Variants in KCNQ5 observed in about 807,000 individuals in gnomAD.
KCNQ5 encodes the protein potassium voltage-gated channel subfamily Q member 5, also known as potassium voltage-gated channel subfamily KQT member 5.
In KCNQ5, 30 loss-of-function variants were observed where a neutral mutation model predicts 98.2. The observed-to-expected ratio is 0.31, with a 90% CI of 0.23 to 0.41. The LOEUF (loss-of-function observed/expected upper bound fraction) is 0.41. Among genes scored for constraint, KCNQ5 ranks in the 10% least tolerant of loss-of-function variants. The pLI is 1.00. For synonymous variants in KCNQ5, 458 were observed against 449.4 expected (o/e 1.02, Z -0.24); for missense variants, 835 against 1,182.5 (o/e 0.71, Z 4.31).
At chr6:72,727,818 A>G (rs988549149) in intron 1 of KCNQ5, among the ~76,000 whole-genome samples, 1 of 152,064 alleles carries the variant, frequency 6.6e-6, no homozygotes, top group African/African-American at 2.4e-5. Flanking sequence ...GTCTAGGTCT[A>G]CTGCACCTTG....
chr6:72,779,490 T>C (rs1274963012), intron 1 of KCNQ5, among the ~76,000 whole-genome samples: 1 of 152,134 alleles, frequency 6.6e-6, no homozygotes, highest in Non-Finnish European at 1.5e-5. Context: ...ATTCATTTTT[T>C]TTTCCTAGTA....
At chr6:72,947,700 T>C (rs1470698509) in intron 1 of KCNQ5, among the ~76,000 whole-genome samples, 1 of 152,174 alleles carries the variant, frequency 6.6e-6, no homozygotes, top group Non-Finnish European at 1.5e-5. Context: ...TCTCATGGCA[T>C]GTATCTATAT....
intron 2 of KCNQ5, among the ~76,000 whole-genome samples, chr6:73,033,197 C>T (rs1048933416): frequency 1.3e-5 from 2 of 152,062 alleles, no homozygotes; most frequent in African/African-American, 4.8e-5. Flanking sequence ...CTCTTTTCCC[C>T]AAGCAGGGGG....
At chr6:73,186,360 A>G (rs1266962577) in intron 11 of KCNQ5, among the ~76,000 whole-genome samples, 1 of 152,260 alleles carries the variant, frequency 6.6e-6, no homozygotes, top group Non-Finnish European at 1.5e-5. Context: ...TTCAACCCAC[A>G]ACACAGCCAG....
intron 1 of KCNQ5, among the ~76,000 whole-genome samples, chr6:72,685,007 TG>T (rs1490097235): frequency 6.6e-6 from 1 of 152,172 alleles, no homozygotes; most frequent in Admixed American, 6.5e-5. Context: ...CTATATTGTT[TG>T]TTTGTACTTC....
chr6:72,849,875 A>G (rs1181922781), intron 1 of KCNQ5, among the ~76,000 whole-genome samples: 1 of 152,126 alleles, frequency 6.6e-6, no homozygotes, highest in African/African-American at 2.4e-5. Context: ...TAATTCATAA[A>G]TGGCTCCCAG....
At chr6:73,048,592 T>C (rs1772075346) in intron 3 of KCNQ5, among the ~76,000 whole-genome samples, 1 of 152,190 alleles carries the variant, frequency 6.6e-6, no homozygotes, top group South Asian at 2.1e-4. Context: ...CAACAAAAAG[T>C]ATGGCTGTTT....
At chr6:72,819,782 C>T (rs1775669886) in intron 1 of KCNQ5, among the ~76,000 whole-genome samples, 1 of 152,190 alleles carries the variant, frequency 6.6e-6, no homozygotes, top group Non-Finnish European at 1.5e-5. Flanking sequence ...GCCATCTCAG[C>T]TTTGTCCCAG....
chr6:73,144,111 A>T (rs1426273754), intron 10 of KCNQ5, among the ~76,000 whole-genome samples: 1 of 152,172 alleles, frequency 6.6e-6, no homozygotes, highest in Non-Finnish European at 1.5e-5. Flanking sequence ...GAAGGGGGGA[A>T]ACAAGGTTAA....
At chr6:72,826,235 A>T (rs1158089438) in intron 1 of KCNQ5, among the ~76,000 whole-genome samples, 1 of 152,152 alleles carries the variant, frequency 6.6e-6, no homozygotes, top group Non-Finnish European at 1.5e-5. Flanking sequence ...TTTAGTCACC[A>T]GTTACCCTTC....
intron 2 of KCNQ5, among the ~76,000 whole-genome samples, chr6:73,028,909 G>A (rs1215680414): frequency 1.3e-5 from 2 of 152,158 alleles, no homozygotes; most frequent in Non-Finnish European, 2.9e-5. Flanking sequence ...AAAGGAGCAG[G>A]AGAGTAGAGG....
At chr6:73,107,531 A>C (rs535776522) in intron 6 of KCNQ5, among the ~76,000 whole-genome samples, 1 of 152,170 alleles carries the variant, frequency 6.6e-6, no homozygotes, top group Non-Finnish European at 1.5e-5. Context: ...TTAAAAGGGA[A>C]AACAAAATGT....
At chr6:73,173,065 A>T (rs546175065) in intron 11 of KCNQ5, among the ~76,000 whole-genome samples, 4 of 152,244 alleles carry the variant, frequency 2.6e-5, no homozygotes, top group Admixed American at 6.5e-5. Flanking sequence ...TAAAAAATAA[A>T]TAATGTCACT....
At chr6:72,652,540 A>G (rs953654814) in intron 1 of KCNQ5, among the ~76,000 whole-genome samples, 5 of 151,902 alleles carry the variant, frequency 3.3e-5, no homozygotes, top group Non-Finnish European at 7.4e-5. Flanking sequence ...AGCAGGATTG[A>G]ACTGGGGGTC....
At chr6:72,809,507 G>A (rs968630035) in intron 1 of KCNQ5, among the ~76,000 whole-genome samples, 3 of 151,828 alleles carry the variant, frequency 2.0e-5, no homozygotes, top group Admixed American at 1.3e-4. Flanking sequence ...AGCTGAGATC[G>A]TGCCACTGCA....
chr6:72,941,695 T>TTCTCCCTCAA (rs1562082974), intron 1 of KCNQ5, among the ~76,000 whole-genome samples: 3 of 512 alleles, frequency 5.9e-3, no homozygotes, highest in Non-Finnish European at 0.016. Context: ...TTTCTTTCTT[T>TTCTCCCTCAA]CTTTCTTTCT....
chr6:72,636,693 A>G (rs2098924346), intron 1 of KCNQ5, among the ~76,000 whole-genome samples: 1 of 152,230 alleles, frequency 6.6e-6, no homozygotes, highest in Non-Finnish European at 1.5e-5. Flanking sequence ...ACCTCTTGCT[A>G]AGTGTAAGAC....
chr6:72,945,972 C>T (rs554362235), intron 1 of KCNQ5, among the ~76,000 whole-genome samples: 3 of 152,222 alleles, frequency 2.0e-5, no homozygotes, highest in South Asian at 4.2e-4. Context: ...CAAGTGAAAA[C>T]AGAGATTCGG....
At chr6:72,641,068 A>G (rs1175266616) in intron 1 of KCNQ5, among the ~76,000 whole-genome samples, 6 of 152,226 alleles carry the variant, frequency 3.9e-5, no homozygotes, top group Non-Finnish European at 8.8e-5. Flanking sequence ...TAAGGAAGTT[A>G]AATTCTGAAG....
Sources: gnomAD v4.1 joint callset for allele counts (sites outside exome capture counted in the v4.1 genomes callset) on GRCh38, gnomAD v4.1.1 for gene constraint, MANE v1.5 for transcripts, NCBI Gene and HGNC (gene_info 2026-07-23, HGNC 2026-07-21) for gene names.